PTPRD: variants seen among roughly 807,000 people sequenced by gnomAD.
PTPRD encodes protein tyrosine phosphatase receptor type D.
PTPRD carries 34 observed loss-of-function variants against 214.5 expected under a neutral mutation model. The ratio of observed to expected loss-of-function variants is 0.16; its 90% CI spans 0.12 to 0.21. The LOEUF is 0.21. Ranked by LOEUF, PTPRD falls within the 10% of genes least tolerant of loss-of-function variation. The pLI is 1.00. For missense variants in PTPRD, 2,545 were observed against 2,398.7 expected, an observed-to-expected ratio of 1.06 and a Z score of -1.27; for synonymous variants, 1,128 against 845.7, an observed-to-expected ratio of 1.33 and a Z score of -5.79.
chr9:10,537,517 A>C (rs905845588), intron 2 of PTPRD, among the ~76,000 whole-genome samples: 2 of 152,136 alleles, frequency 1.3e-5, no homozygotes, highest in Non-Finnish European at 2.9e-5. Flanking sequence ...CAAAATTGAA[A>C]TTGCAATGAT....
intron 8 of PTPRD, among the ~76,000 whole-genome samples, chr9:9,530,677 GAC>G (rs1365756578): frequency 1.3e-5 from 2 of 152,104 alleles, no homozygotes; most frequent in African/African-American, 4.8e-5. Flanking sequence ...CACACACAAT[GAC>G]ACACAATGAA....
chr9:10,293,273 A>T (rs551907082), intron 3 of PTPRD, among the ~76,000 whole-genome samples: 4 of 151,934 alleles, frequency 2.6e-5, no homozygotes, highest in Non-Finnish European at 5.9e-5. Context: ...AATTGGAAAA[A>T]TCTGTACTTC....
chr9:9,233,661 G>T (rs772122158), intron 9 of PTPRD, among the ~76,000 whole-genome samples: 2 of 152,192 alleles, frequency 1.3e-5, no homozygotes, highest in Non-Finnish European at 2.9e-5. Context: ...CATGCATTGG[G>T]TAAATACACC....
intron 11 of PTPRD, among the ~76,000 whole-genome samples, chr9:8,914,305 T>C (rs1026412750): frequency 2.0e-5 from 3 of 152,170 alleles, no homozygotes; most frequent in Non-Finnish European, 4.4e-5. Flanking sequence ...AAGCAAAATA[T>C]TTTGTGTGAA....
intron 4 of PTPRD, among the ~76,000 whole-genome samples, chr9:9,958,330 G>C (rs1221764072): frequency 6.6e-6 from 1 of 152,166 alleles, no homozygotes; most frequent in Non-Finnish European, 1.5e-5. Context: ...AGGAGTTCAA[G>C]GCCAGCCTGA....
intron 11 of PTPRD, among the ~76,000 whole-genome samples, chr9:8,760,355 G>C (rs1272949985): frequency 1.3e-5 from 2 of 151,918 alleles, no homozygotes; most frequent in Non-Finnish European, 2.9e-5. Context: ...ATTCATGTTT[G>C]GAGTTTTGTT....
chr9:8,486,834 T>C (rs1459089283), intron 27 of PTPRD, among the ~76,000 whole-genome samples: 1 of 152,222 alleles, frequency 6.6e-6, no homozygotes, highest in Non-Finnish European at 1.5e-5. Flanking sequence ...GGATTAGTTA[T>C]TATTATCTCT....
chr9:10,338,878 T>C (rs1026941861), intron 3 of PTPRD, among the ~76,000 whole-genome samples: 6 of 151,270 alleles, frequency 4.0e-5, no homozygotes, highest in Admixed American at 4.0e-4. Flanking sequence ...ATAGGATAAA[T>C]GAATATAAAT....
intron 35 of PTPRD, among the ~76,000 whole-genome samples, chr9:8,420,704 T>C (rs1192205830): frequency 2.6e-5 from 4 of 152,220 alleles, no homozygotes; most frequent in Admixed American, 6.5e-5. Flanking sequence ...AAGCTGGTAG[T>C]CTTTATGAAA....
At chr9:10,532,249 G>C (rs963079780) in intron 2 of PTPRD, 1 of 153,164 alleles carries the variant, frequency 6.5e-6, no homozygotes, top group African/African-American at 2.4e-5. Flanking sequence ...CTCTAATTAA[G>C]GTTGATGACA....
At chr9:8,601,988 G>C (rs1236958349) in intron 14 of PTPRD, among the ~76,000 whole-genome samples, 1 of 152,052 alleles carries the variant, frequency 6.6e-6, no homozygotes, top group African/African-American at 2.4e-5. Flanking sequence ...CCAATGTAGT[G>C]CACTGCAAGG....
At chr9:10,290,800 T>G (rs2095504877) in intron 3 of PTPRD, among the ~76,000 whole-genome samples, 1 of 152,012 alleles carries the variant, frequency 6.6e-6, no homozygotes, top group Non-Finnish European at 1.5e-5. Context: ...TCATTGTTAT[T>G]TGGGAGGAAT....
intron 9 of PTPRD, among the ~76,000 whole-genome samples, chr9:9,240,537 G>A (rs886696136): frequency 1.3e-5 from 2 of 152,110 alleles, no homozygotes; most frequent in Non-Finnish European, 2.9e-5. Flanking sequence ...TGGGCATGGT[G>A]GCACGTGCCT....
At chr9:9,608,360 T>C (rs2094314040) in intron 7 of PTPRD, among the ~76,000 whole-genome samples, 1 of 152,184 alleles carries the variant, frequency 6.6e-6, no homozygotes, top group Non-Finnish European at 1.5e-5. Flanking sequence ...TACATCGTCT[T>C]TGTTAAACCT....
At chr9:10,542,063 A>T (rs1048627975) in intron 2 of PTPRD, among the ~76,000 whole-genome samples, 4 of 152,156 alleles carry the variant, frequency 2.6e-5, no homozygotes, top group African/African-American at 9.6e-5. Flanking sequence ...GGTGAGAAAT[A>T]AAGTCTTAAA....
At chr9:9,888,376 G>T (rs1438284238) in intron 5 of PTPRD, among the ~76,000 whole-genome samples, 1 of 152,136 alleles carries the variant, frequency 6.6e-6, no homozygotes, top group Admixed American at 6.6e-5. Flanking sequence ...ATATTGTGAG[G>T]CGATGAGTAT....
intron 11 of PTPRD, among the ~76,000 whole-genome samples, chr9:8,755,817 A>G (rs542522092): frequency 1.3e-5 from 2 of 152,322 alleles, no homozygotes; most frequent in African/African-American, 4.8e-5. Flanking sequence ...TCTTGGAAAC[A>G]TATACAGAAG....
At chr9:10,297,928 G>A (rs770653193) in intron 3 of PTPRD, among the ~76,000 whole-genome samples, 6 of 151,992 alleles carry the variant, frequency 3.9e-5, no homozygotes, top group Non-Finnish European at 8.8e-5. Flanking sequence ...CTACTATGGT[G>A]GCTATTTCCT....
At chr9:8,375,909 G>C (rs910283751) in intron 39 of PTPRD, 27 bp downstream of exon 39, 5 of 1,596,540 alleles carry the variant, frequency 3.1e-6, no homozygotes, top group Non-Finnish European at 1.7e-6. Flanking sequence ...TCTGTTTCCT[G>C]ACTGCAAGTG....
Sources: allele counts gnomAD v4.1 joint callset (sites outside exome capture counted in the v4.1 genomes callset), GRCh38; gene constraint gnomAD v4.1.1; transcripts MANE v1.5; gene names NCBI Gene and HGNC (gene_info 2026-07-23, HGNC 2026-07-21).